Variants in DOCK8 observed in about 807,000 individuals in gnomAD.
The protein encoded by DOCK8 is dedicator of cytokinesis protein 8.
DOCK8 carries 141 observed loss-of-function variants against 245.6 expected under a neutral mutation model. The ratio of observed to expected loss-of-function variants is 0.57; its 90% CI spans 0.50 to 0.66. The LOEUF (loss-of-function observed/expected upper bound fraction) is 0.66. DOCK8 is among the 30% of genes least tolerant of loss of function. The pLI, the probability that DOCK8 is intolerant of heterozygous loss-of-function variation, is 0.00. For synonymous variants in DOCK8, 1,168 were observed against 970.2 expected, an observed-to-expected ratio of 1.20 and a Z score of -3.79; for missense variants, 2,965 against 2,603.4, an observed-to-expected ratio of 1.14 and a Z score of -3.02.
At chr9:244,321 C>T (rs917419832) in intron 1 of DOCK8, among the ~76,000 whole-genome samples, 1 of 151,774 alleles carries the variant, frequency 6.6e-6, no homozygotes, top group Non-Finnish European at 1.5e-5. Context: ...GAAACGAAAC[C>T]ATATCCAACT....
intron 14 of DOCK8, among the ~76,000 whole-genome samples, chr9:349,953 C>G (rs2052076759): frequency 6.6e-6 from 1 of 152,166 alleles, no homozygotes; most frequent in Non-Finnish European, 1.5e-5. Flanking sequence ...CTTTCTCCCT[C>G]CGCCGCCCTC....
At chr9:340,401 G>C in intron 14 of DOCK8, 80 bp downstream of exon 14, 1 of 1,572,534 alleles carries the variant, frequency 6.4e-7, no homozygotes. Context: ...CAGGAGGATT[G>C]CTTGAGCTCA....
chr9:290,823 G>T (rs2049007593), intron 4 of DOCK8, among the ~76,000 whole-genome samples: 1 of 152,216 alleles, frequency 6.6e-6, no homozygotes, highest in African/African-American at 2.4e-5. Flanking sequence ...TGGGGTAAAT[G>T]ATGAAAGACT....
intron 8 of DOCK8, 111 bp from the exon 9 acceptor site, chr9:327,911 C>A (rs2050836070): frequency 3.0e-6 from 3 of 997,068 alleles, no homozygotes; most frequent in Admixed American, 1.7e-5. Flanking sequence ...GTGATTATTA[C>A]ACTTACTCCT....
chr9:327,986 G>T (rs746323756), intron 8 of DOCK8, 36 bp from the exon 9 acceptor site: 1 of 1,602,008 alleles, frequency 6.2e-7, no homozygotes, highest in Non-Finnish European at 8.6e-7. Flanking sequence ...AATGCAACAG[G>T]TCTAACTTAT....
chr9:275,871 G>T (rs561187981), intron 2 of DOCK8, among the ~76,000 whole-genome samples: 1 of 142,836 alleles, frequency 7.0e-6, no homozygotes, highest in African/African-American at 2.7e-5. Context: ...TTACAGGCAT[G>T]AGCCACTGGG....
At chr9:256,529 G>A (rs1317498295) in intron 1 of DOCK8, among the ~76,000 whole-genome samples, 3 of 152,196 alleles carry the variant, frequency 2.0e-5, no homozygotes, top group African/African-American at 7.2e-5. Flanking sequence ...CCATAAAGAT[G>A]TCAAATTTAG....
At chr9:408,119 A>G (rs1244931347) in intron 28 of DOCK8, among the ~76,000 whole-genome samples, 1 of 152,224 alleles carries the variant, frequency 6.6e-6, no homozygotes, top group Non-Finnish European at 1.5e-5. Context: ...ATGTTTGCTA[A>G]TTAATGGTAG....
chr9:290,611 A>G (rs2048999583), intron 4 of DOCK8, among the ~76,000 whole-genome samples: 1 of 152,226 alleles, frequency 6.6e-6, no homozygotes, highest in Admixed American at 6.5e-5. Flanking sequence ...GGACCTGGAC[A>G]GCACTCTCTC....
In DOCK8 at chr9:312,034, C is replaced by T. The variant is rs761477104; in HGVS notation, c.609C>T (p.Ser203=). ...PVTACDFDLR[S]LQPDKRLENL... ...CTGCCTGTGACTTTGACCTCCGCAG[C>T]CTGCAGCCTGACAAGCGGCTAGAAA... is the stretch of plus-strand genomic sequence containing the variant. The change falls in exon 6 of 48, where the codon AGC becomes AGT. Residue 203 remains serine, a synonymous_variant. Coordinates refer to ENST00000432829, the MANE Select transcript of DOCK8 (RefSeq NM_203447.4). The T allele has an allele frequency of 3.0e-5, 48 of 1,614,098 alleles. No individual in the cohort carries two copies. In the East Asian group the frequency reaches 9.8e-4, roughly 33 times the overall value.
At position 370,265 on chromosome 9, in the gene DOCK8, G is replaced by C. The variant is rs545654015; in HGVS notation, c.1833G>C (p.Leu611=). 1 of 1,614,082 alleles carries C rather than the reference G, an allele frequency of 6.2e-7. No individual in the cohort carries two copies. The highest frequency in any genetic ancestry group is 8.5e-7 in the Non-Finnish European group (1 of 1,179,946). The change falls in exon 16 of 48, where the codon CTG becomes CTC. Residue 611 remains leucine, a synonymous_variant. Transcript: ENST00000432829. Reference sequence around the variant, plus strand: ...GAAAATCCAGCGGGCCTGAATTTCTGCAGGAAGTGTACACAGCTGTTACAT... The same window carrying C: ...GAAAATCCAGCGGGCCTGAATTTCTCCAGGAAGTGTACACAGCTGTTACAT... ...IFGKSSGPEF[L]QEVYTAVTYH... is the part of the protein sequence containing the mutation.
intron 28 of DOCK8, among the ~76,000 whole-genome samples, chr9:413,789 T>C (rs1481554838): frequency 1.3e-5 from 2 of 152,228 alleles, no homozygotes; most frequent in Non-Finnish European, 1.5e-5. Flanking sequence ...CAGACACTGC[T>C]GGTGGGAATG....
intron 46 of DOCK8, among the ~76,000 whole-genome samples, chr9:462,853 C>T (rs2057849008): frequency 6.6e-6 from 1 of 152,206 alleles, no homozygotes; most frequent in African/African-American, 2.4e-5. Flanking sequence ...TTCCATTCTG[C>T]AGTGTGTTTT....
At chr9:280,272 A>G (rs1016698971) in intron 2 of DOCK8, among the ~76,000 whole-genome samples, 3 of 152,232 alleles carry the variant, frequency 2.0e-5, no homozygotes, top group Non-Finnish European at 2.9e-5. Context: ...AAGACTGCAT[A>G]AGCCTTCACT....
At chr9:461,998 AG>A (rs1348998173) in intron 46 of DOCK8, among the ~76,000 whole-genome samples, 1 of 145,762 alleles carries the variant, frequency 6.9e-6, no homozygotes, top group Non-Finnish European at 1.5e-5. Flanking sequence ...ATGATTACTT[AG>A]GATTTTATAC....
At chr9:377,345 G>A (rs1232994430) in intron 20 of DOCK8, 134 bp downstream of exon 20, 4 of 824,128 alleles carry the variant, frequency 4.9e-6, no homozygotes, top group Non-Finnish European at 3.5e-6. Flanking sequence ...CTCAAGGGAG[G>A]CCAAGTCTTA....
chr9:323,020 G>T (rs564181344), intron 7 of DOCK8, among the ~76,000 whole-genome samples: 2 of 151,192 alleles, frequency 1.3e-5, no homozygotes, highest in African/African-American at 2.4e-5. Context: ...TTGAACCTGG[G>T]TGGCGGAGGT....
intron 29 of DOCK8, among the ~76,000 whole-genome samples, chr9:417,058 G>T (rs1189533184): frequency 1.3e-5 from 2 of 152,216 alleles, no homozygotes; most frequent in Non-Finnish European, 2.9e-5. Flanking sequence ...ACTTTGGGAG[G>T]CCAAGGTGGA....
chr9:400,214 C>CCA (rs2054784951), intron 26 of DOCK8, among the ~76,000 whole-genome samples: 3 of 103,562 alleles, frequency 2.9e-5, no homozygotes, highest in Non-Finnish European at 4.0e-5. Context: ...ACCACCTCCA[C>CCA]TATCACCACC....
Sources: gnomAD v4.1 joint callset for allele counts (sites outside exome capture counted in the v4.1 genomes callset) on GRCh38, gnomAD v4.1.1 for gene constraint, MANE v1.5 for transcripts, NCBI Gene and HGNC (gene_info 2026-07-23, HGNC 2026-07-21) for gene names.